WNK3: variants seen among roughly 807,000 people sequenced by gnomAD.
The protein encoded by WNK3 is WNK lysine deficient protein kinase 3.
In WNK3, 18 loss-of-function variants were observed where a neutral mutation model predicts 116.7. The observed-to-expected ratio is 0.15, with a 90% CI of 0.11 to 0.23. The LOEUF (loss-of-function observed/expected upper bound fraction) is 0.23, where lower values mean the gene tolerates loss of function less well. Among genes scored for constraint, WNK3 ranks in the 10% least tolerant of loss-of-function variants. The pLI, the probability that WNK3 is intolerant of heterozygous loss-of-function variation, is 1.00. For synonymous variants in WNK3, 404 were observed against 469.4 expected (o/e 0.86, Z 1.80); for missense variants, 993 against 1,323.8 (o/e 0.75, Z 3.88).
At chrX:54,226,754 C>T (rs1332826768) in intron 22 of WNK3, among the ~76,000 whole-genome samples, 21 of 109,913 alleles carry the variant, frequency 1.9e-4, no homozygotes, top group African/African-American at 5.6e-4. Context: ...GCAGGAGAAT[C>T]GCTTGAACCT....
At chrX:54,230,725 C>T (rs1345903515) in intron 21 of WNK3, among the ~76,000 whole-genome samples, 1 of 112,462 alleles carries the variant, frequency 8.9e-6, no homozygotes, top group Non-Finnish European at 1.9e-5. Flanking sequence ...TGACTATTTA[C>T]GGGAGCTTTA....
chrX:54,249,592 A>C, exon 17 of WNK3: 4 of 1,210,742 alleles, frequency 3.3e-6, no homozygotes, highest in Non-Finnish European at 4.5e-6. Context: ...TATAGTGAGC[A>C]ATGTGTCCCG....
chrX:54,261,471 A>G (rs1319006844), intron 10 of WNK3, among the ~76,000 whole-genome samples: 1 of 111,351 alleles, frequency 9.0e-6, no homozygotes, highest in Non-Finnish European at 1.9e-5. Flanking sequence ...GCATATTGAT[A>G]TAATGATGAC....
chrX:54,275,956 A>G (rs1227282889), intron 10 of WNK3, among the ~76,000 whole-genome samples: 1 of 111,125 alleles, frequency 9.0e-6, no homozygotes, highest in African/African-American at 3.3e-5. Flanking sequence ...GGGATATAAT[A>G]TAATGATAAA....
intron 2 of WNK3, among the ~76,000 whole-genome samples, chrX:54,322,209 T>A (rs1209167868): frequency 1.8e-5 from 2 of 111,741 alleles, no homozygotes; most frequent in Non-Finnish European, 3.8e-5. Flanking sequence ...GTTCCGACTC[T>A]ATAAGCACCA....
At chrX:54,234,469 CA>C (rs1258875737) in intron 20 of WNK3, among the ~76,000 whole-genome samples, 3 of 111,696 alleles carry the variant, frequency 2.7e-5, no homozygotes, top group African/African-American at 9.8e-5. Context: ...CACCCAGTTA[CA>C]AAAAACTAGC....
chrX:54,305,785 G>C (rs1355724415), intron 5 of WNK3, among the ~76,000 whole-genome samples: 11 of 110,829 alleles, frequency 9.9e-5, no homozygotes, highest in Non-Finnish European at 7.5e-5. Flanking sequence ...GCCGGGCGCA[G>C]TGGCTCACGC....
Position 54,307,918 on chromosome X carries a change from C to T in WNK3, c.1089+4G>A. 2.6e-6 allele frequency: 3 copies of T among 1,175,558 alleles called. No homozygotes were observed. Among genetic ancestry groups the T allele is most frequent in the Non-Finnish European group, 3.4e-6 (3 of 877,774 alleles). The stretch of plus-strand genomic sequence containing the variant: ...TAAAGTAAAAAGAAAAAAGTTATAC[C>T]TACACTAGTTACTTTCCGGTATATT... On this transcript the variant is annotated splice_donor_region_variant and intron_variant, in intron 5 of 23. Coordinates refer to ENST00000354646, the Ensembl canonical transcript of WNK3.
At chrX:54,283,766 C>CAAAAAA (rs782377430) in intron 10 of WNK3, among the ~76,000 whole-genome samples, 2 of 24,095 alleles carry the variant, frequency 8.3e-5, no homozygotes, top group Non-Finnish European at 7.7e-5. Context: ...AAGACTGTCT[C>CAAAAAA]AAAAAAAAAA....
At chrX:54,318,559 G>T (rs1179102018) in intron 2 of WNK3, among the ~76,000 whole-genome samples, 2 of 109,105 alleles carry the variant, frequency 1.8e-5, no homozygotes, top group African/African-American at 6.7e-5. Context: ...AAAATAGCTG[G>T]GCATGGAGGC....
At position 54,214,886 on chromosome X, in the gene WNK3, G is replaced by A. The variant is rs781976275; in HGVS notation, c.4871-12693C>T. Among the ~76,000 whole-genome samples the A allele has an allele frequency of 7.1e-4, 78 of 109,799 alleles. 1 individual carries two copies. The highest frequency in any genetic ancestry group is 6.5e-3 in the Admixed American group (67 of 10,260). Reference sequence around the variant, plus strand: ...AAATTAGCCAGGCGTGGTGGCGGGCGCCTGTAGTCCCAGCTACTCAGGAGG... The same window carrying A: ...AAATTAGCCAGGCGTGGTGGCGGGCACCTGTAGTCCCAGCTACTCAGGAGG... On this transcript the variant is annotated intron_variant, in intron 22 of 23. Transcript: ENST00000354646.
At chrX:54,316,079 G>T (rs2068951799) in intron 2 of WNK3, among the ~76,000 whole-genome samples, 1 of 111,329 alleles carries the variant, frequency 9.0e-6, no homozygotes, top group Non-Finnish European at 1.9e-5. Flanking sequence ...TATACAAAGA[G>T]ATCAGCAGAT....
At chrX:54,238,653 A>T (rs1410539340) in intron 18 of WNK3, among the ~76,000 whole-genome samples, 181 bp from the exon 19 acceptor site, 1 of 112,409 alleles carries the variant, frequency 8.9e-6, no homozygotes, top group Non-Finnish European at 1.9e-5. Flanking sequence ...ACATTGCAAG[A>T]TTTATCCCAA....
At chrX:54,251,761 T>C in intron 13 of WNK3, 74 bp from the exon 14 acceptor site, 1 of 1,030,216 alleles carries the variant, frequency 9.7e-7, no homozygotes, top group Non-Finnish European at 1.3e-6. Context: ...AAATAGTGAC[T>C]ATCACATAAA....
At chrX:54,350,519 A>AT (rs1557178382) in intron 1 of WNK3, among the ~76,000 whole-genome samples, 1 of 112,001 alleles carries the variant, frequency 8.9e-6, no homozygotes, top group Non-Finnish European at 1.9e-5. Context: ...ATTCAGTACC[A>AT]TTTTTCATCT....
In WNK3 at chrX:54,334,599, T is replaced by A. The variant is rs1340383691; in HGVS notation, c.-119-807A>T. 4.4e-5 allele frequency among the ~76,000 whole-genome samples: 5 copies of A among 112,690 alleles called. No homozygotes were observed. In the East Asian group the frequency reaches 1.1e-3, roughly 25 times the overall value. On this transcript the variant is annotated intron_variant, in intron 1 of 23. Coordinates refer to ENST00000354646, the Ensembl canonical transcript of WNK3. ...CCATATGTTATAGACCACATTTTGT[T>A]CATCCCATTCATCTGCCAATGGATT...
chrX:54,237,477 C>A, exon 20 of WNK3: 1 of 1,198,555 alleles, frequency 8.3e-7, no homozygotes, highest in Non-Finnish European at 1.1e-6. Context: ...AATGGTTTGT[C>A]TCACTGAACA....
chrX:54,350,551 ATC>A (rs1320713953), intron 1 of WNK3, among the ~76,000 whole-genome samples: 1 of 112,135 alleles, frequency 8.9e-6, no homozygotes, highest in Non-Finnish European at 1.9e-5. Flanking sequence ...AAAAATAAAT[ATC>A]TGTTAAGTTT....
At position 54,331,089 on chromosome X, in the gene WNK3, G is replaced by C. The variant is rs183240809; in HGVS notation, c.537+2048C>G. The stretch of plus-strand genomic sequence containing the variant: ...GTGGGTGGGAGGAGGGAGAGCATCA[G>C]GAAGAACAGCTAATGGATGCTGGGC... On this transcript the variant is annotated intron_variant, in intron 2 of 23. Coordinates refer to ENST00000354646, the Ensembl canonical transcript of WNK3. Among the ~76,000 whole-genome samples the C allele has an allele frequency of 5.6e-3, 608 of 109,440 alleles. 7 individuals are homozygous for C. Among genetic ancestry groups the C allele is most frequent in the African/African-American group, 0.02 (593 of 30,324 alleles).
Sources: gnomAD v4.1 joint callset for allele counts (sites outside exome capture counted in the v4.1 genomes callset) on GRCh38, gnomAD v4.1.1 for gene constraint, MANE v1.5 for transcripts, NCBI Gene and HGNC (gene_info 2026-07-23, HGNC 2026-07-21) for gene names.